The following PTPRD variants were observed in gnomAD, a reference collection of about 807,000 sequenced individuals.
PTPRD encodes the protein receptor-type tyrosine-protein phosphatase delta.
Under a neutral mutation model 214.5 loss-of-function variants are expected in PTPRD, and 34 were observed. The ratio of observed to expected loss-of-function variants is 0.16; its 90% CI spans 0.12 to 0.21. The LOEUF (loss-of-function observed/expected upper bound fraction) is 0.21. PTPRD is among the 10% of genes least tolerant of loss of function. PTPRD has a pLI of 1.00. For missense variants in PTPRD, 2,545 were observed against 2,398.7 expected (o/e 1.06, Z -1.27); for synonymous variants, 1,128 against 845.7 (o/e 1.33, Z -5.79).
chr9:8,391,218 T>C (rs1042721428), intron 36 of PTPRD, among the ~76,000 whole-genome samples: 5 of 152,142 alleles, frequency 3.3e-5, no homozygotes, highest in African/African-American at 1.2e-4. Flanking sequence ...TGCAATGACT[T>C]TGACTGCTTT....
chr9:9,424,455 A>G (rs555631559), intron 8 of PTPRD, among the ~76,000 whole-genome samples: 4 of 152,164 alleles, frequency 2.6e-5, no homozygotes, highest in Non-Finnish European at 5.9e-5. Context: ...TAGAAATTCC[A>G]TAGTTCACTG....
intron 11 of PTPRD, among the ~76,000 whole-genome samples, chr9:8,796,030 A>G (rs1013746204): frequency 6.6e-6 from 1 of 152,224 alleles, no homozygotes; most frequent in Non-Finnish European, 1.5e-5. Flanking sequence ...AACTATGATG[A>G]CCACAAAGGC....
At chr9:9,715,808 C>T (rs184675581) in intron 7 of PTPRD, among the ~76,000 whole-genome samples, 1 of 152,212 alleles carries the variant, frequency 6.6e-6, no homozygotes, top group Admixed American at 6.5e-5. Flanking sequence ...AATTCTAACA[C>T]GGACCCCTTT....
At chr9:8,406,748 G>A (rs779659203) in intron 35 of PTPRD, among the ~76,000 whole-genome samples, 2 of 152,140 alleles carry the variant, frequency 1.3e-5, no homozygotes. Flanking sequence ...TCATTGTACA[G>A]TATACCACAA....
Position 9,733,233 on chromosome 9 carries a change from A to T in PTPRD, c.-287+1300T>A, listed in dbSNP as rs138846496. 4.4e-3 allele frequency among the ~76,000 whole-genome samples: 674 copies of T among 152,320 alleles called. 6 individuals are homozygous for T. Among genetic ancestry groups the T allele is most frequent in the Middle Eastern group, 0.017 (5 of 294 alleles). Reference sequence around the variant, plus strand: ...TATAAGGAATAAGACAGAGAGAAATATGTCAAAGTGTATTCTTCTGGGAGG... The same window carrying T: ...TATAAGGAATAAGACAGAGAGAAATTTGTCAAAGTGTATTCTTCTGGGAGG... On this transcript the variant is annotated intron_variant, in intron 7 of 45. Transcript: ENST00000381196.
intron 3 of PTPRD, among the ~76,000 whole-genome samples, chr9:10,049,818 C>T (rs2097493176): frequency 6.6e-6 from 1 of 152,142 alleles, no homozygotes; most frequent in Admixed American, 6.6e-5. Flanking sequence ...TAGGCCAAGT[C>T]CTTGTACTTA....
intron 9 of PTPRD, among the ~76,000 whole-genome samples, chr9:9,278,081 G>T (rs1375950266): frequency 6.6e-6 from 1 of 151,242 alleles, no homozygotes; most frequent in African/African-American, 2.4e-5. Context: ...ATTAAAGGTG[G>T]TTGTATGCTT....
At chr9:8,709,278 G>A (rs990146653) in intron 12 of PTPRD, among the ~76,000 whole-genome samples, 15 of 152,092 alleles carry the variant, frequency 9.9e-5, no homozygotes, top group Admixed American at 6.6e-5. Context: ...ACTTTGGGAG[G>A]CTGAGGTGGG....
At chr9:9,868,437 G>C (rs1375633196) in intron 5 of PTPRD, among the ~76,000 whole-genome samples, 2 of 152,026 alleles carry the variant, frequency 1.3e-5, no homozygotes, top group Non-Finnish European at 2.9e-5. Flanking sequence ...CTAGTTATTG[G>C]TGTGAAAGAG....
rs376376687 is a variant in PTPRD, at chr9:8,881,303, C to T, written c.-104+137394G>A. 7.9e-5 allele frequency among the ~76,000 whole-genome samples: 12 copies of T among 152,116 alleles called. No individual in the cohort carries two copies. In the East Asian group the frequency reaches 2.1e-3, roughly 27 times the overall value. ...ATCTTTATAAATTCCCATTAATAAC[C>T]AATAGGAAAACTTAGTCTTAAAAGA... is the stretch of plus-strand genomic sequence containing the variant. On this transcript the variant is annotated intron_variant, in intron 11 of 45. Transcript: ENST00000381196.
intron 9 of PTPRD, among the ~76,000 whole-genome samples, chr9:9,184,532 A>G (rs1330822825): frequency 2.0e-5 from 3 of 152,082 alleles, no homozygotes; most frequent in Admixed American, 2.0e-4. Flanking sequence ...ACAGTGTTAC[A>G]TAGATGAGCA....
intron 4 of PTPRD, among the ~76,000 whole-genome samples, chr9:9,995,392 G>C (rs977046673): frequency 1.8e-4 from 27 of 152,166 alleles, no homozygotes; most frequent in Non-Finnish European, 3.7e-4. Context: ...TTATAGCTTT[G>C]TCATGCTAAT....
chr9:8,512,307 A>G (rs916128627), intron 21 of PTPRD, among the ~76,000 whole-genome samples: 1 of 152,106 alleles, frequency 6.6e-6, no homozygotes, highest in African/African-American at 2.4e-5. Context: ...ATACACAAGC[A>G]TCAGCACAAA....
At chr9:9,298,944 T>C (rs1954179110) in intron 9 of PTPRD, among the ~76,000 whole-genome samples, 1 of 151,856 alleles carries the variant, frequency 6.6e-6, no homozygotes, top group African/African-American at 2.4e-5. Context: ...GAGTCTATTT[T>C]TCTTAATATA....
chr9:8,808,432 T>C (rs1304705128), intron 11 of PTPRD, among the ~76,000 whole-genome samples: 5 of 150,832 alleles, frequency 3.3e-5, no homozygotes, highest in Admixed American at 6.6e-5. Flanking sequence ...ACAAAATTTA[T>C]ATGCCAGTAG....
chr9:10,576,459 A>T (rs1453290968), intron 2 of PTPRD, among the ~76,000 whole-genome samples: 3 of 152,154 alleles, frequency 2.0e-5, no homozygotes, highest in Non-Finnish European at 4.4e-5. Context: ...ATTTTTGGGC[A>T]AGAAATTCAG....
In PTPRD at chr9:10,454,835, A is replaced by G. The variant is rs547955833; in HGVS notation, c.-599-113818T>C. 8.6e-5 allele frequency among the ~76,000 whole-genome samples: 13 copies of G among 151,672 alleles called. No homozygotes were observed. The East Asian group carries it at 1.9e-3, about 23-fold the overall frequency. On this transcript the variant is annotated intron_variant, in intron 2 of 45. Transcript: ENST00000381196. The stretch of plus-strand genomic sequence containing the variant: ...TACACACACACACACACACATGCAC[A>G]TGCACACACACATATAATAGAAAAC...
At chr9:8,846,306 T>C (rs1457204468) in intron 11 of PTPRD, among the ~76,000 whole-genome samples, 5 of 152,182 alleles carry the variant, frequency 3.3e-5, no homozygotes, top group Non-Finnish European at 2.9e-5. Flanking sequence ...CACACTAATT[T>C]GTTTACAGAA....
In PTPRD at chr9:8,637,470, A is replaced by C. The variant is rs1406342642; in HGVS notation, c.65-626T>G. Among the ~76,000 whole-genome samples the C allele has an allele frequency of 2.6e-5, 4 of 152,332 alleles. No homozygotes were observed. In the East Asian group the frequency reaches 5.8e-4, roughly 22 times the overall value. On this transcript the variant is annotated intron_variant, in intron 12 of 45. Transcript: ENST00000381196. ...AGAAGATGAGTCAAGAAGCCTCCAA[A>C]GTCATAGTAAAGCAAAGAATATTTT...
Sources: allele counts gnomAD v4.1 joint callset (sites outside exome capture counted in the v4.1 genomes callset), GRCh38; gene constraint gnomAD v4.1.1; transcripts MANE v1.5; gene names NCBI Gene and HGNC (gene_info 2026-07-23, HGNC 2026-07-21).